The following NRXN3 variants were observed in gnomAD, a reference collection of about 807,000 sequenced individuals.
NRXN3 encodes the protein neurexin 3.
NRXN3 carries 32 observed loss-of-function variants against 137.6 expected under a neutral mutation model. The observed-to-expected ratio is 0.23, with a 90% CI of 0.18 to 0.31. NRXN3 has a LOEUF of 0.31. Ranked by LOEUF, NRXN3 falls within the 10% of genes least tolerant of loss-of-function variation. The pLI is 1.00. For synonymous variants in NRXN3, 798 were observed against 784.5 expected, an observed-to-expected ratio of 1.02 and a Z score of -0.29; for missense variants, 1,574 against 2,062.5, an observed-to-expected ratio of 0.76 and a Z score of 4.59.
In NRXN3 at chr14:78,561,369, T is replaced by C. The variant is rs1055690002; in HGVS notation, c.758-83751T>C. On this transcript the variant is annotated intron_variant, in intron 4 of 20. Transcript: ENST00000335750. The stretch of plus-strand genomic sequence containing the variant: ...ATGAATAACATATACCACAGTTTCA[T>C]TGGGCATGAGAAAATGGTGATACTT... Among the ~76,000 whole-genome samples the C allele has an allele frequency of 9.8e-5, 15 of 152,348 alleles. No individual in the cohort carries two copies. The East Asian group carries it at 1.5e-3, about 16-fold the overall frequency.
chr14:78,449,999 C>T (rs565667596), intron 4 of NRXN3, among the ~76,000 whole-genome samples: 1 of 152,170 alleles, frequency 6.6e-6, no homozygotes, highest in Admixed American at 6.5e-5. Flanking sequence ...CTCTTAAGCA[C>T]ACGTCAATCA....
At chr14:79,651,078 G>GT (rs2098473589) in intron 16 of NRXN3, among the ~76,000 whole-genome samples, 1 of 152,164 alleles carries the variant, frequency 6.6e-6, no homozygotes, top group Non-Finnish European at 1.5e-5. Context: ...ACTGGTAATA[G>GT]GATGGATCAG....
chr14:78,761,414 T>C (rs74064952), intron 8 of NRXN3, among the ~76,000 whole-genome samples: 1,962 of 152,292 alleles, frequency 0.013, 40 homozygotes, highest in African/African-American at 0.044. Context: ...TGAAATAAGA[T>C]GGCTTTGTGA....
intron 15 of NRXN3, among the ~76,000 whole-genome samples, chr14:79,363,508 G>T (rs965463240): frequency 6.6e-6 from 1 of 151,362 alleles, no homozygotes; most frequent in African/African-American, 2.4e-5. Flanking sequence ...ATGTACGTAG[G>T]AACAGTTCCA....
chr14:79,767,446 C>T (rs1167856425), intron 19 of NRXN3, among the ~76,000 whole-genome samples: 16 of 152,182 alleles, frequency 1.1e-4, no homozygotes. Context: ...AGATTTTTCA[C>T]TTATATGCTG....
intron 16 of NRXN3, among the ~76,000 whole-genome samples, chr14:79,572,655 C>T (rs759527688): frequency 6.6e-6 from 1 of 152,126 alleles, no homozygotes; most frequent in African/African-American, 2.4e-5. Context: ...TTTCTTTGTA[C>T]TAGGCTCCAT....
chr14:79,182,231 T>C (rs1459940429), intron 15 of NRXN3, among the ~76,000 whole-genome samples: 1 of 152,080 alleles, frequency 6.6e-6, no homozygotes, highest in Non-Finnish European at 1.5e-5. Flanking sequence ...AAGATAATTT[T>C]TCCATGGACT....
intron 6 of NRXN3, among the ~76,000 whole-genome samples, chr14:78,664,091 A>G (rs1280513564): frequency 6.6e-6 from 1 of 152,220 alleles, no homozygotes; most frequent in Non-Finnish European, 1.5e-5. Flanking sequence ...ATCAGTGAAG[A>G]TGCAGCTTAG....
intron 4 of NRXN3, among the ~76,000 whole-genome samples, chr14:78,521,271 T>C (rs1649091963): frequency 6.6e-6 from 1 of 152,172 alleles, no homozygotes; most frequent in African/African-American, 2.4e-5. Flanking sequence ...TAGAAAATAA[T>C]TGCTGTTACT....
chr14:78,444,208 C>T (rs2094345680), intron 4 of NRXN3, among the ~76,000 whole-genome samples: 1 of 152,198 alleles, frequency 6.6e-6, no homozygotes, highest in African/African-American at 2.4e-5. Flanking sequence ...TTTATTCTCA[C>T]AAGAACATGA....
At chr14:78,272,589 C>G (rs2072960180) in intron 2 of NRXN3, among the ~76,000 whole-genome samples, 1 of 152,206 alleles carries the variant, frequency 6.6e-6, no homozygotes, top group Admixed American at 6.5e-5. Context: ...GGCATTACTG[C>G]ATTTTACCCC....
intron 15 of NRXN3, among the ~76,000 whole-genome samples, chr14:79,208,981 C>T (rs1364437314): frequency 2.0e-5 from 3 of 152,094 alleles, no homozygotes; most frequent in African/African-American, 7.2e-5. Context: ...CTCTGTCACC[C>T]AGGCTGGAGT....
intron 15 of NRXN3, among the ~76,000 whole-genome samples, chr14:79,106,951 TA>T (rs1441850527): frequency 1.3e-5 from 2 of 152,078 alleles, no homozygotes; most frequent in African/African-American, 2.4e-5. Flanking sequence ...TGTGATTTTT[TA>T]AAAAAAGTAT....
chr14:78,970,765 A>C (rs1410539371), intron 14 of NRXN3, among the ~76,000 whole-genome samples: 2 of 152,180 alleles, frequency 1.3e-5, no homozygotes, highest in Non-Finnish European at 2.9e-5. Flanking sequence ...TACTCATCAC[A>C]TGCATTACAG....
chr14:79,433,488 G>A (rs2095796552), intron 15 of NRXN3, among the ~76,000 whole-genome samples: 1 of 152,024 alleles, frequency 6.6e-6, no homozygotes, highest in Non-Finnish European at 1.5e-5. Flanking sequence ...GTAGGTCTTT[G>A]TTATGTCTCC....
At chr14:78,261,745 A>G (rs73310342) in intron 2 of NRXN3, among the ~76,000 whole-genome samples, 85 of 152,274 alleles carry the variant, frequency 5.6e-4, no homozygotes, top group African/African-American at 1.9e-3. Context: ...GTGACTTACA[A>G]TGGGCCACTC....
At chr14:78,751,758 C>G (rs752961021) in intron 8 of NRXN3, among the ~76,000 whole-genome samples, 7 of 152,224 alleles carry the variant, frequency 4.6e-5, no homozygotes, top group South Asian at 2.1e-4. Flanking sequence ...CTCCATAGAC[C>G]GTGACCTTGC....
At chr14:78,846,835 T>G (rs2099028502) in intron 10 of NRXN3, among the ~76,000 whole-genome samples, 1 of 152,120 alleles carries the variant, frequency 6.6e-6, no homozygotes, top group African/African-American at 2.4e-5. Flanking sequence ...TTCTCTCTAT[T>G]TTCTACCTTT....
At chr14:78,290,912 G>A (rs907950399) in intron 3 of NRXN3, among the ~76,000 whole-genome samples, 4 of 152,126 alleles carry the variant, frequency 2.6e-5, no homozygotes, top group Admixed American at 6.5e-5. Flanking sequence ...TTAAATTTGC[G>A]TTTTAAAGAG....
Sources: allele counts gnomAD v4.1 joint callset (sites outside exome capture counted in the v4.1 genomes callset), GRCh38; gene constraint gnomAD v4.1.1; transcripts MANE v1.5; gene names NCBI Gene and HGNC (gene_info 2026-07-23, HGNC 2026-07-21).